The following ABCC1 variants were observed in gnomAD, a reference collection of about 807,000 sequenced individuals.
ABCC1 encodes the protein ATP binding cassette subfamily C member 1 (ABCC1 blood group).
Under a neutral mutation model 172.9 loss-of-function variants are expected in ABCC1, and 83 were observed. That is an observed-to-expected ratio of 0.48 (90% CI 0.40 to 0.58). The LOEUF is 0.58. Ranked by LOEUF, ABCC1 falls within the 20% of genes least tolerant of loss-of-function variation. ABCC1 has a pLI of 0.00. For missense variants in ABCC1, 1,817 were observed against 2,002.7 expected (o/e 0.91, Z 1.77); for synonymous variants, 937 against 825.2 (o/e 1.14, Z -2.32).
chr16:16,053,810 A>G (rs2049531676), intron 11 of ABCC1, among the ~76,000 whole-genome samples: 1 of 143,014 alleles, frequency 7.0e-6, no homozygotes, highest in African/African-American at 2.7e-5. Context: ...AAAAAAAAAA[A>G]AAAAGTTTAA....
rs569708032 is a variant in ABCC1, at chr16:16,059,810, G to GC, written c.1677+3522dup. On this transcript the variant is annotated intron_variant, in intron 12 of 30. Coordinates refer to ENST00000399410, the MANE Select transcript of ABCC1 (RefSeq NM_004996.4). ...CAGAGTGAGACCCTTTCCTGCTGCTGCCCCCCCACCCCCTCCCAGCCCCCC... is the reference window on the plus strand; with the variant it reads ...CAGAGTGAGACCCTTTCCTGCTGCTGCCCCCCCCACCCCCTCCCAGCCCCCC... Among the ~76,000 whole-genome samples the GC allele has an allele frequency of 5.4e-3, 799 of 149,138 alleles. 10 individuals carry two copies. Among genetic ancestry groups the GC allele is most frequent in the African/African-American group, 0.019 (770 of 40,570 alleles).
intron 11 of ABCC1, among the ~76,000 whole-genome samples, chr16:16,054,536 G>A (rs777847158): frequency 2.0e-5 from 3 of 150,096 alleles, no homozygotes; most frequent in Non-Finnish European, 3.0e-5. Context: ...CTGCACTGAC[G>A]ATACCACAGG....
chr16:16,132,507 G>GT (rs1379143382), intron 27 of ABCC1, among the ~76,000 whole-genome samples: 4 of 75,062 alleles, frequency 5.3e-5, no homozygotes, highest in African/African-American at 1.6e-4. Context: ...TTTTTGGTTG[G>GT]TTGTTTTTTT....
intron 19 of ABCC1, among the ~76,000 whole-genome samples, chr16:16,091,152 G>C (rs1054321332): frequency 6.6e-6 from 1 of 152,048 alleles, no homozygotes; most frequent in Non-Finnish European, 1.5e-5. Flanking sequence ...AGGGCCAGAC[G>C]TGGTGGTTCC....
intron 1 of ABCC1, among the ~76,000 whole-genome samples, chr16:15,982,136 C>T (rs111328075): frequency 0.022 from 3,401 of 152,282 alleles, 150 homozygotes; most frequent in African/African-American, 0.077. Context: ...TTTCTTACAT[C>T]TTGCTATACT....
At chr16:16,085,338 C>T (rs977468663) in intron 17 of ABCC1, among the ~76,000 whole-genome samples, 1 of 152,196 alleles carries the variant, frequency 6.6e-6, no homozygotes, top group African/African-American at 2.4e-5. Context: ...CCATGGTGGT[C>T]GTCTGGTGTG....
intron 1 of ABCC1, among the ~76,000 whole-genome samples, chr16:15,999,524 A>G (rs2047172280): frequency 6.6e-6 from 1 of 151,632 alleles, no homozygotes; most frequent in Non-Finnish European, 1.5e-5. Context: ...CTGAGGCAGG[A>G]GACTCGTTTG....
At chr16:16,016,013 G>C (rs1230292675) in intron 4 of ABCC1, among the ~76,000 whole-genome samples, 1 of 152,130 alleles carries the variant, frequency 6.6e-6, no homozygotes, top group Admixed American at 6.5e-5. Flanking sequence ...TCAGGCAGCG[G>C]TGAGCAGTGA....
rs781233583 is a variant in ABCC1 at position 16,119,636 on chromosome 16, A to G, written c.3391-2339A>G. The stretch of plus-strand genomic sequence containing the variant: ...AACCTGGGAGGCAGAGGTTGCAATG[A>G]GCCAAGATTGTGCCACTGCACTCCA... On this transcript the variant is annotated intron_variant, in intron 23 of 30. Transcript: ENST00000399410. 2.6e-5 allele frequency among the ~76,000 whole-genome samples: 4 copies of G among 152,314 alleles called. No individual in the cohort carries two copies. The South Asian group carries it at 8.3e-4, about 32-fold the overall frequency.
intron 19 of ABCC1, among the ~76,000 whole-genome samples, chr16:16,093,793 A>G (rs935852313): frequency 9.9e-5 from 15 of 152,052 alleles, no homozygotes; most frequent in Admixed American, 6.6e-5. Context: ...TGGATTAATC[A>G]GCTCTTTTTT....
At chr16:16,114,445 A>T (rs2044755252) in intron 22 of ABCC1, among the ~76,000 whole-genome samples, 1 of 151,902 alleles carries the variant, frequency 6.6e-6, no homozygotes. Flanking sequence ...GATTCAAGCA[A>T]TTCCCTTGCC....
chr16:16,079,123 A>G (rs752068755), intron 15 of ABCC1, among the ~76,000 whole-genome samples: 2 of 152,104 alleles, frequency 1.3e-5, no homozygotes, highest in African/African-American at 2.4e-5. Flanking sequence ...TCACTTCTCT[A>G]AGGGACACCT....
At chr16:15,973,075 A>G (rs111627151) in intron 1 of ABCC1, among the ~76,000 whole-genome samples, 3,388 of 152,242 alleles carry the variant, frequency 0.022, 139 homozygotes, top group African/African-American at 0.077. Context: ...GATGACAGGC[A>G]TGAGCCATCA....
chr16:15,962,971 C>T (rs1243856555), intron 1 of ABCC1, among the ~76,000 whole-genome samples: 1 of 152,216 alleles, frequency 6.6e-6, no homozygotes, highest in Non-Finnish European at 1.5e-5. Flanking sequence ...TCCAAAATCT[C>T]ATCTGAGACA....
At chr16:15,966,389 G>A (rs1372527331) in intron 1 of ABCC1, among the ~76,000 whole-genome samples, 2 of 145,100 alleles carry the variant, frequency 1.4e-5, no homozygotes, top group Non-Finnish European at 3.0e-5. Context: ...TCCAGCCTGG[G>A]TGACAGAGAG....
rs377374178 is a variant in ABCC1, at chr16:16,114,795, G to A, written c.3109G>A (p.Val1037Met). ...CGCCGTGTTTGGCTACTCCATGGCCGTGTCCATCGGGGGGATCTTGGCTTC... is the reference window on the plus strand; with the variant it reads ...CGCCGTGTTTGGCTACTCCATGGCCATGTCCATCGGGGGGATCTTGGCTTC... The part of the protein sequence containing the change: ...GIAVFGYSMA[V>M]SIGGILASRC... The change falls in exon 23 of 31, where the codon GTG becomes ATG. Residue 1037 changes from valine (V) to methionine (M), a missense_variant. Val to Met is a conservative substitution (Grantham distance 21). Transcript: ENST00000399410. 3.1e-6 allele frequency: 5 copies of A among 1,605,544 alleles called. No homozygotes were observed. Among genetic ancestry groups the A allele is most frequent in the Non-Finnish European group, 3.4e-6 (4 of 1,172,926 alleles).
chr16:16,111,416 A>G lies in ABCC1; in HGVS notation c.2913A>G (p.Gly971=). ...ACTGGGACTACATGAAGGCCATCGG[A>G]CTCTTCATCTCCTTCCTCAGCATCT... The part of the protein sequence containing the change: ...SVYWDYMKAI[G]LFISFLSIFL... The change falls in exon 22 of 31, where the codon GGA becomes GGG. Residue 971 remains glycine, a synonymous_variant. Transcript: ENST00000399410. 1 of 1,613,442 alleles carries G rather than the reference A, an allele frequency of 6.2e-7. No individual in the cohort carries two copies.
chr16:15,978,467 C>CT (rs1286983261), intron 1 of ABCC1, among the ~76,000 whole-genome samples: 1 of 152,150 alleles, frequency 6.6e-6, no homozygotes, highest in African/African-American at 2.4e-5. Context: ...TTGTGAAACT[C>CT]TTTTCTGGAT....
chr16:16,076,031 C>T (rs1483610759), intron 14 of ABCC1: 1 of 451,650 alleles, frequency 2.2e-6, no homozygotes, highest in Non-Finnish European at 3.9e-6. Context: ...AATTCTCATG[C>T]GGCCCCCGCC....
Sources: gnomAD v4.1 joint callset for allele counts (sites outside exome capture counted in the v4.1 genomes callset) on GRCh38, gnomAD v4.1.1 for gene constraint, MANE v1.5 for transcripts, NCBI Gene and HGNC (gene_info 2026-07-23, HGNC 2026-07-21) for gene names.